The following WDR19 variants were observed in gnomAD, a reference collection of about 807,000 sequenced individuals.
WDR19 encodes WD repeat domain 19, also known as WD repeat-containing protein 19.
In WDR19, 121 loss-of-function variants were observed where a neutral mutation model predicts 180.0. That is an observed-to-expected ratio of 0.67 (90% CI 0.58 to 0.78). The LOEUF (loss-of-function observed/expected upper bound fraction) is 0.78. Among genes scored for constraint, WDR19 ranks in the 30% least tolerant of loss-of-function variants. The probability of loss-of-function intolerance (pLI) is 0.00; values close to 1 mark genes in which losing one functional copy is unlikely to be tolerated. For missense variants in WDR19, 1,450 were observed against 1,640.7 expected (o/e 0.88, Z 2.01); for synonymous variants, 497 against 540.7 (o/e 0.92, Z 1.12).
At chr4:39,207,890 A>G (rs1354760932) in intron 9 of WDR19, among the ~76,000 whole-genome samples, 3 of 152,162 alleles carry the variant, frequency 2.0e-5, no homozygotes. Context: ...ATGGTTTAAA[A>G]AAAAAATTAT....
chr4:39,225,723 G>A (rs532971077), intron 15 of WDR19, among the ~76,000 whole-genome samples: 60 of 152,156 alleles, frequency 3.9e-4, no homozygotes, highest in Non-Finnish European at 7.4e-4. Context: ...TCTCCCCAAT[G>A]TAAACAGCCT....
chr4:39,239,900 G>C (rs1731738879), intron 20 of WDR19, among the ~76,000 whole-genome samples: 1 of 152,138 alleles, frequency 6.6e-6, no homozygotes, highest in Admixed American at 6.5e-5. Context: ...CTACTCCCCA[G>C]TGGTGGCTCA....
Position 39,257,518 on chromosome 4 carries a change from G to C in WDR19, c.3147G>C (p.Ser1049=). 2 of 1,589,712 alleles carry C rather than the reference G, an allele frequency of 1.3e-6. No homozygotes were observed. Among genetic ancestry groups the C allele is most frequent in the Non-Finnish European group, 1.7e-6 (2 of 1,167,040 alleles). ...ALKHFLKCPS[S]EDNVAIEMAI... is the part of the protein sequence containing the mutation. ...AACACTTCCTGAAATGCCCAAGCTC[G>C]GAAGATAATGTGGCAATAGAAATGG... is the stretch of plus-strand genomic sequence containing the variant. Residue 1049 remains serine, a synonymous_variant, in exon 28 of 37, where the codon TCG becomes TCC. Transcript: ENST00000399820.
chr4:39,209,467 T>C (rs1053987808), intron 9 of WDR19, among the ~76,000 whole-genome samples: 2 of 151,796 alleles, frequency 1.3e-5, no homozygotes, highest in African/African-American at 4.8e-5. Context: ...AAAGGAAGAA[T>C]ATAATAAAAA....
intron 24 of WDR19, among the ~76,000 whole-genome samples, chr4:39,246,688 G>A (rs984490654): frequency 2.2e-4 from 34 of 152,314 alleles, no homozygotes; most frequent in African/African-American, 6.7e-4. Context: ...CTTATCAAAC[G>A]GCACACCAGG....
chr4:39,183,294 G>GGCTGGAGT (rs1725164529), intron 1 of WDR19, among the ~76,000 whole-genome samples: 1 of 116,660 alleles, frequency 8.6e-6, no homozygotes, highest in Non-Finnish European at 1.6e-5. Context: ...CTGTTACCCA[G>GGCTGGAGT]GCTGGAGTGC....
chr4:39,189,939 A>G (rs769858926), intron 4 of WDR19, among the ~76,000 whole-genome samples, 158 bp downstream of exon 4: 7 of 152,240 alleles, frequency 4.6e-5, no homozygotes, highest in Non-Finnish European at 1.0e-4. Context: ...AATTAGAATG[A>G]AATTGTTATA....
chr4:39,191,903 ATACATGTAATTGT>A (rs935020498), intron 4 of WDR19, among the ~76,000 whole-genome samples: 5 of 152,100 alleles, frequency 3.3e-5, no homozygotes, highest in African/African-American at 1.2e-4. Flanking sequence ...TTGGCCAGAG[ATACATGTAATTGT>A]TATATGTTGT....
intron 28 of WDR19, among the ~76,000 whole-genome samples, chr4:39,259,265 AT>A (rs1734054495): frequency 6.6e-6 from 1 of 152,114 alleles, no homozygotes; most frequent in Admixed American, 6.6e-5. Context: ...ACCTAGCACC[AT>A]TTATCAAAAT....
intron 6 of WDR19, 21 bp from the exon 7 acceptor site, chr4:39,203,618 GTGA>G: frequency 1.3e-6 from 2 of 1,586,134 alleles, no homozygotes; most frequent in South Asian, 1.1e-5. Flanking sequence ...TTTGTTCATA[GTGA>G]TGATGTTTTT....
At chr4:39,197,282 C>G (rs1229192970) in intron 5 of WDR19, among the ~76,000 whole-genome samples, 1 of 151,620 alleles carries the variant, frequency 6.6e-6, no homozygotes, top group African/African-American at 2.4e-5. Flanking sequence ...AAAAATTAAC[C>G]AGGTGTGGTA....
chr4:39,182,827 G>A (rs1725083972), intron 1 of WDR19, among the ~76,000 whole-genome samples: 1 of 152,072 alleles, frequency 6.6e-6, no homozygotes, highest in Non-Finnish European at 1.5e-5. Flanking sequence ...GCAGAAAGTG[G>A]GAACCCCTCC....
In WDR19 at chr4:39,245,558, G is replaced by A. The variant is rs373625266; in HGVS notation, c.2729+106G>A. On this transcript the variant is annotated intron_variant, in intron 24 of 36. Transcript: ENST00000399820. ...AAGAAAGGCAAACCAGAGAAAGACAGAAAACACCTTTAATTACCCCTTGTT... is the reference window on the plus strand; with the variant it reads ...AAGAAAGGCAAACCAGAGAAAGACAAAAAACACCTTTAATTACCCCTTGTT... 2,699 of 1,152,912 alleles carry A rather than the reference G, an allele frequency of 2.3e-3. 85 individuals carry two copies. In the South Asian group the frequency reaches 0.035, roughly 15 times the overall value. 71.4% of individuals were successfully genotyped at this position (1,152,912 alleles called of 1,614,324 possible).
intron 24 of WDR19, among the ~76,000 whole-genome samples, chr4:39,246,042 C>G (rs961944183): frequency 6.6e-6 from 1 of 152,138 alleles, no homozygotes; most frequent in Non-Finnish European, 1.5e-5. Context: ...GACAAGAACA[C>G]AAGCGCCAGA....
Position 39,228,595 on chromosome 4 carries a change from C to T in WDR19, c.1887C>T (p.Asn629=). 6.2e-7 allele frequency: 1 copy of T among 1,613,896 alleles called. No homozygotes were observed. The highest frequency in any genetic ancestry group is 8.5e-7 in the Non-Finnish European group (1 of 1,179,828). ...AAACACAGAGTGGAAAAGTAAACAA[C>T]ATCTACCTTAGCACCCATGGCTTTC... ...TCQTQSGKVN[N]IYLSTHGFLS... Residue 629 remains asparagine, a synonymous_variant, in exon 17 of 37, where the codon AAC becomes AAT. Transcript: ENST00000399820.
chr4:39,245,149 G>A (rs577811105), intron 23 of WDR19, among the ~76,000 whole-genome samples: 37 of 151,262 alleles, frequency 2.4e-4, no homozygotes, highest in African/African-American at 7.3e-4. Flanking sequence ...GTTTCACCAT[G>A]TTGGCCAGGC....
intron 14 of WDR19, among the ~76,000 whole-genome samples, chr4:39,219,910 G>T (rs1266465197): frequency 2.0e-5 from 3 of 152,106 alleles, no homozygotes; most frequent in Non-Finnish European, 4.4e-5. Context: ...GTTAGAAAAT[G>T]CTTTGTTTTC....
At chr4:39,215,353 G>A (rs1448906266) in intron 10 of WDR19, among the ~76,000 whole-genome samples, 1 of 149,434 alleles carries the variant, frequency 6.7e-6, no homozygotes, top group Non-Finnish European at 1.5e-5. Context: ...GTCTTGTTTT[G>A]TTGCTCAGGC....
chr4:39,231,619 C>T (rs1730869725), intron 17 of WDR19, among the ~76,000 whole-genome samples, 178 bp from the exon 18 acceptor site: 1 of 152,092 alleles, frequency 6.6e-6, no homozygotes, highest in African/African-American at 2.4e-5. Flanking sequence ...AAACATTTAT[C>T]TGTAAAAAAA....
Sources: allele counts gnomAD v4.1 joint callset (sites outside exome capture counted in the v4.1 genomes callset), GRCh38; gene constraint gnomAD v4.1.1; transcripts MANE v1.5; gene names NCBI Gene and HGNC (gene_info 2026-07-23, HGNC 2026-07-21).